OSBPL10: variants seen among roughly 807,000 people sequenced by gnomAD.
OSBPL10 encodes the protein oxysterol binding protein like 10.
OSBPL10 carries 49 observed loss-of-function variants against 81.7 expected under a neutral mutation model. That is an observed-to-expected ratio of 0.60 (90% CI 0.48 to 0.76). The LOEUF (loss-of-function observed/expected upper bound fraction) is 0.76, where lower values mean the gene tolerates loss of function less well. Among genes scored for constraint, OSBPL10 ranks in the 30% least tolerant of loss-of-function variants. The pLI is 0.00. For missense variants in OSBPL10, 923 were observed against 987.8 expected, an observed-to-expected ratio of 0.93 and a Z score of 0.88; for synonymous variants, 419 against 383.6, an observed-to-expected ratio of 1.09 and a Z score of -1.08.
At chr3:31,916,190 A>T (rs1043065833) in intron 1 of OSBPL10, among the ~76,000 whole-genome samples, 2 of 152,186 alleles carry the variant, frequency 1.3e-5, no homozygotes, top group East Asian at 3.8e-4. Flanking sequence ...GATACTGATC[A>T]AATTCTATCC....
chr3:32,036,363 G>GA (rs940897939), intron 2 of OSBPL10, among the ~76,000 whole-genome samples: 20 of 152,154 alleles, frequency 1.3e-4, no homozygotes, highest in African/African-American at 4.6e-4. Context: ...AAATTTAAGA[G>GA]AAAAAACAAG....
intron 2 of OSBPL10, among the ~76,000 whole-genome samples, chr3:32,035,094 A>G (rs931853251): frequency 6.6e-6 from 1 of 152,154 alleles, no homozygotes; most frequent in African/African-American, 2.4e-5. Context: ...GCCACACCAG[A>G]GAGAATGAGG....
chr3:31,880,985 CATAG>C (rs755991749), intron 1 of OSBPL10, among the ~76,000 whole-genome samples: 1 of 152,174 alleles, frequency 6.6e-6, no homozygotes, highest in Non-Finnish European at 1.5e-5. Context: ...GGTCCTTCAC[CATAG>C]ATAGTTTGAA....
chr3:31,710,736 C>A (rs1262119465), intron 6 of OSBPL10: 1 of 152,254 alleles, frequency 6.6e-6, no homozygotes, highest in Non-Finnish European at 1.5e-5. Flanking sequence ...CCATCCAAAC[C>A]TGCCATCCAC....
At chr3:31,674,845 G>A (rs1285914580) in intron 8 of OSBPL10, among the ~76,000 whole-genome samples, 1 of 152,182 alleles carries the variant, frequency 6.6e-6, no homozygotes, top group East Asian at 1.9e-4. Flanking sequence ...AAATGGACTA[G>A]GACACAACCC....
At chr3:31,761,463 C>A (rs1575527383) in intron 4 of OSBPL10, among the ~76,000 whole-genome samples, 2 of 140,722 alleles carry the variant, frequency 1.4e-5, no homozygotes, top group African/African-American at 5.4e-5. Flanking sequence ...CAGAGTGAGA[C>A]TCCATTTCAA....
intron 10 of OSBPL10, among the ~76,000 whole-genome samples, chr3:31,667,614 A>C (rs1240029575): frequency 6.6e-6 from 1 of 152,260 alleles, no homozygotes; most frequent in African/African-American, 2.4e-5. Context: ...TAAAGAGTGT[A>C]TGCTCTTAGA....
At chr3:31,754,948 T>C (rs1697843803) in intron 4 of OSBPL10, among the ~76,000 whole-genome samples, 1 of 152,208 alleles carries the variant, frequency 6.6e-6, no homozygotes, top group Non-Finnish European at 1.5e-5. Flanking sequence ...TTTTCTTTTT[T>C]AGGCTGGAAG....
intron 7 of OSBPL10, among the ~76,000 whole-genome samples, chr3:31,684,419 C>T (rs569482112): frequency 1.9e-4 from 29 of 152,350 alleles, no homozygotes; most frequent in Middle Eastern, 6.8e-3. Context: ...TCCCCTAACT[C>T]TCCATTATTT....
At position 31,774,537 on chromosome 3, in the gene OSBPL10, C is replaced by CGG. The variant is rs1553624234; in HGVS notation, c.730-26418_730-26417insCC. The stretch of plus-strand genomic sequence containing the variant: ...TTGTTTTTGTTTTTTGTTTTTGAGA[C>CGG]AGTCTTGCTCTGTAGCCCAGGCTGG... On this transcript the variant is annotated intron_variant, in intron 4 of 11. Transcript: ENST00000396556. Among the ~76,000 whole-genome samples, 186 of 151,652 alleles carry CGG rather than the reference C, an allele frequency of 1.2e-3. 1 individual carries two copies. Among genetic ancestry groups the CGG allele is most frequent in the African/African-American group, 4.1e-3 (169 of 41,386 alleles).
At chr3:31,796,096 G>C in intron 4 of OSBPL10, 1 of 171,914 alleles carries the variant, frequency 5.8e-6, no homozygotes, top group South Asian at 1.7e-4. Context: ...CTGGAGATCA[G>C]TGCAAGGAAT....
At chr3:31,769,216 G>A (rs1698286326) in intron 4 of OSBPL10, among the ~76,000 whole-genome samples, 1 of 152,092 alleles carries the variant, frequency 6.6e-6, no homozygotes, top group Admixed American at 6.5e-5. Flanking sequence ...GCCGAGGCGG[G>A]CAGATCACCT....
intron 2 of OSBPL10, among the ~76,000 whole-genome samples, chr3:32,042,408 A>G (rs994637317): frequency 6.6e-6 from 1 of 152,190 alleles, no homozygotes; most frequent in Non-Finnish European, 1.5e-5. Flanking sequence ...GCCCTTCTCT[A>G]TTTCGCTAGG....
chr3:32,003,372 T>C (rs1026869037), intron 2 of OSBPL10, among the ~76,000 whole-genome samples: 7 of 152,178 alleles, frequency 4.6e-5, no homozygotes, highest in Non-Finnish European at 1.0e-4. Context: ...CCCCCGAGGT[T>C]TCCTAAGGCA....
chr3:32,021,693 G>T (rs1029043203), intron 2 of OSBPL10, among the ~76,000 whole-genome samples: 1 of 151,990 alleles, frequency 6.6e-6, no homozygotes, highest in Non-Finnish European at 1.5e-5. Flanking sequence ...TATATTCTAG[G>T]CTGGGTATGA....
intron 1 of OSBPL10, among the ~76,000 whole-genome samples, chr3:31,918,903 C>T (rs1696832006): frequency 6.6e-6 from 1 of 152,102 alleles, no homozygotes; most frequent in African/African-American, 2.4e-5. Context: ...ATATGCAGGC[C>T]ACAAATAGCC....
At chr3:31,665,854 C>T (rs893881915) in intron 10 of OSBPL10, among the ~76,000 whole-genome samples, 1 of 152,154 alleles carries the variant, frequency 6.6e-6, no homozygotes, top group Non-Finnish European at 1.5e-5. Context: ...AGGGCAGAAC[C>T]TCCCATGGTA....
chr3:31,889,218 T>A (rs1695822255), intron 1 of OSBPL10, among the ~76,000 whole-genome samples: 1 of 152,136 alleles, frequency 6.6e-6, no homozygotes, highest in Non-Finnish European at 1.5e-5. Context: ...TAAACCAGTA[T>A]AGCAATTATG....
At chr3:31,687,289 C>A (rs1700817408) in intron 7 of OSBPL10, among the ~76,000 whole-genome samples, 1 of 152,046 alleles carries the variant, frequency 6.6e-6, no homozygotes, top group Non-Finnish European at 1.5e-5. Flanking sequence ...GGCAATGGGG[C>A]TTCTGTGGCA....
Sources: allele counts gnomAD v4.1 joint callset (sites outside exome capture counted in the v4.1 genomes callset), GRCh38; gene constraint gnomAD v4.1.1; transcripts MANE v1.5; gene names NCBI Gene and HGNC (gene_info 2026-07-23, HGNC 2026-07-21).